Variants in METTL15 observed in about 807,000 individuals in gnomAD.
METTL15 encodes methyltransferase 15, mitochondrial 12S rRNA N4-cytidine.
In METTL15, 34 loss-of-function variants were observed where a neutral mutation model predicts 38.3. The observed-to-expected ratio is 0.89, with a 90% CI of 0.68 to 1.18. METTL15 has a LOEUF of 1.18. METTL15 is among the 50% of genes most tolerant of loss of function. The probability of loss-of-function intolerance (pLI) is 0.00; values close to 1 mark genes in which losing one functional copy is unlikely to be tolerated. For synonymous variants in METTL15, 162 were observed against 170.9 expected, an observed-to-expected ratio of 0.95 and a Z score of 0.41; for missense variants, 438 against 498.4, an observed-to-expected ratio of 0.88 and a Z score of 1.15.
chr11:28,510,881 T>G (rs1248294062), intron 6 of METTL15, among the ~76,000 whole-genome samples: 1 of 152,196 alleles, frequency 6.6e-6, no homozygotes, highest in Non-Finnish European at 1.5e-5. Flanking sequence ...CAGCCTGTGT[T>G]AAGTGTGGGT....
chr11:28,158,356 A>C (rs2133735812), intron 3 of METTL15, among the ~76,000 whole-genome samples: 1 of 152,322 alleles, frequency 6.6e-6, no homozygotes, highest in East Asian at 1.9e-4. Context: ...CAAAATGGCC[A>C]TAGTGGCAGG....
intron 6 of METTL15, among the ~76,000 whole-genome samples, chr11:28,504,705 A>T (rs558679844): frequency 2.6e-5 from 4 of 152,362 alleles, no homozygotes; most frequent in Admixed American, 1.3e-4. Context: ...CCAGCGTGGC[A>T]AAAGCTAAAT....
chr11:28,223,769 C>T (rs770191729), intron 4 of METTL15, among the ~76,000 whole-genome samples: 7 of 152,142 alleles, frequency 4.6e-5, no homozygotes, highest in Non-Finnish European at 2.9e-5. Flanking sequence ...GTCAGATCAC[C>T]TGTTGTTTGA....
chr11:28,206,212 G>A (rs1292073335), intron 3 of METTL15, among the ~76,000 whole-genome samples: 3 of 151,388 alleles, frequency 2.0e-5, no homozygotes, highest in African/African-American at 7.3e-5. Flanking sequence ...TAATGCCTAG[G>A]TTTTCTTCTA....
chr11:28,377,485 C>G (rs540111802), intron 5 of METTL15, among the ~76,000 whole-genome samples: 1 of 152,048 alleles, frequency 6.6e-6, no homozygotes, highest in African/African-American at 2.4e-5. Flanking sequence ...TCACGTAGTT[C>G]TCGAGCCTTG....
rs1851125123 is a variant in METTL15 at position 28,451,839 on chromosome 11, A to G, written c.*424+27475A>G. Among the ~76,000 whole-genome samples the G allele has an allele frequency of 2.6e-5, 4 of 152,150 alleles. No individual in the cohort carries two copies. The South Asian group carries it at 8.3e-4, about 32-fold the overall frequency. On this transcript the variant is annotated intron_variant and NMD_transcript_variant, in intron 6 of 7. Coordinates refer to the METTL15 transcript ENST00000532947. ...TATGGGTTATGGCAGCCTTCCAGAA[A>G]AGTTATTGCCTTACATTGCAGTGAT...
chr11:28,421,644 G>A (rs959640852), intron 5 of METTL15, among the ~76,000 whole-genome samples: 6 of 151,694 alleles, frequency 4.0e-5, no homozygotes, highest in Admixed American at 1.3e-4. Context: ...AAAAGCAGTT[G>A]AAAAAATTTA....
intron 5 of METTL15, among the ~76,000 whole-genome samples, chr11:28,394,886 A>T (rs1850552442): frequency 6.6e-6 from 1 of 152,186 alleles, no homozygotes; most frequent in Admixed American, 6.6e-5. Flanking sequence ...TACATAATAG[A>T]TACTTATTAA....
At chr11:28,492,547 T>C (rs80323125) in intron 6 of METTL15, among the ~76,000 whole-genome samples, 36 of 91,200 alleles carry the variant, frequency 3.9e-4, no homozygotes, top group Non-Finnish European at 5.5e-4. Flanking sequence ...CACACACACA[T>C]ACACACACAC....
chr11:28,189,304 A>G (rs1463935198), intron 3 of METTL15, among the ~76,000 whole-genome samples: 3 of 151,340 alleles, frequency 2.0e-5, no homozygotes, highest in Non-Finnish European at 4.4e-5. Context: ...GTTGAATGTA[A>G]TGACATTCTG....
intron 5 of METTL15, among the ~76,000 whole-genome samples, chr11:28,390,256 G>T (rs1441974275): frequency 6.7e-6 from 1 of 150,144 alleles, no homozygotes; most frequent in Non-Finnish European, 1.5e-5. Context: ...GTCAATTTTG[G>T]CTTTTGTTGC....
At chr11:28,431,809 A>AAAAAAAAAAAAAAAG (rs1850933778) in intron 6 of METTL15, among the ~76,000 whole-genome samples, 2 of 5,572 alleles carry the variant, frequency 3.6e-4, no homozygotes, top group Non-Finnish European at 4.0e-3. Context: ...AAAAAAAAAG[A>AAAAAAAAAAAAAAAG]AAAAAAAAAA....
intron 6 of METTL15, among the ~76,000 whole-genome samples, chr11:28,481,860 G>A (rs530074633): frequency 2.6e-5 from 4 of 152,112 alleles, no homozygotes; most frequent in Admixed American, 6.5e-5. Context: ...GGCGAGGGTC[G>A]CTGCAAGTTT....
At chr11:28,305,640 A>G (rs1857057563) in intron 6 of METTL15, among the ~76,000 whole-genome samples, 1 of 152,142 alleles carries the variant, frequency 6.6e-6, no homozygotes, top group African/African-American at 2.4e-5. Flanking sequence ...TTGCTGGAGA[A>G]TGCTGACAGC....
intron 6 of METTL15, among the ~76,000 whole-genome samples, chr11:28,442,674 C>CT (rs1851044878): frequency 6.6e-6 from 1 of 152,186 alleles, no homozygotes; most frequent in Non-Finnish European, 1.5e-5. Context: ...CCTGGTTTAT[C>CT]TTTAAGAATT....
At chr11:28,264,447 C>T (rs1044114755) in intron 4 of METTL15, among the ~76,000 whole-genome samples, 3 of 151,856 alleles carry the variant, frequency 2.0e-5, no homozygotes, top group African/African-American at 4.8e-5. Context: ...AGAACCCTAC[C>T]TTAAAATATG....
At chr11:28,165,275 G>A (rs965392307) in intron 3 of METTL15, among the ~76,000 whole-genome samples, 1 of 151,974 alleles carries the variant, frequency 6.6e-6, no homozygotes, top group East Asian at 1.9e-4. Context: ...TTTCATAATG[G>A]TTGTATTAAT....
chr11:28,433,428 G>A (rs1234896545), intron 6 of METTL15, among the ~76,000 whole-genome samples: 1 of 152,114 alleles, frequency 6.6e-6, no homozygotes, highest in Non-Finnish European at 1.5e-5. Flanking sequence ...ACTCCATTGT[G>A]TTTTAGCTGG....
intron 4 of METTL15, among the ~76,000 whole-genome samples, chr11:28,221,161 A>C (rs1309676523): frequency 6.6e-6 from 1 of 152,152 alleles, no homozygotes; most frequent in African/African-American, 2.4e-5. Context: ...ACTGTTTTCC[A>C]ACTTGGTTCC....
Sources: gnomAD v4.1 joint callset for allele counts (sites outside exome capture counted in the v4.1 genomes callset) on GRCh38, gnomAD v4.1.1 for gene constraint, MANE v1.5 for transcripts, NCBI Gene and HGNC (gene_info 2026-07-23, HGNC 2026-07-21) for gene names.